The following DLG1 variants were observed in gnomAD, a reference collection of about 807,000 sequenced individuals.
DLG1 encodes disks large homolog 1.
A neutral mutation model predicts 123.4 loss-of-function variants in DLG1; 42 were observed. That is an observed-to-expected ratio of 0.34 (90% CI 0.27 to 0.44). The LOEUF (loss-of-function observed/expected upper bound fraction) is 0.44. Ranked by LOEUF, DLG1 falls within the 20% of genes least tolerant of loss-of-function variation. DLG1 has a pLI of 1.00. For missense variants in DLG1, 942 were observed against 1,082.6 expected (o/e 0.87, Z 1.82); for synonymous variants, 317 against 356.2 (o/e 0.89, Z 1.24).
At chr3:197,119,350 G>A (rs1775037204) in intron 12 of DLG1, 60 bp downstream of exon 12, 1 of 1,431,380 alleles carries the variant, frequency 7.0e-7, no homozygotes, top group Non-Finnish European at 9.4e-7. Context: ...TTACATGGCT[G>A]ATTAAAATTC....
intron 4 of DLG1, among the ~76,000 whole-genome samples, chr3:197,265,119 T>C (rs1364612085): frequency 1.3e-5 from 2 of 152,218 alleles, no homozygotes; most frequent in African/African-American, 4.8e-5. Flanking sequence ...GTAAGGTACA[T>C]TTCAAGCCTA....
chr3:197,172,485 T>C (rs1804737420), intron 5 of DLG1, among the ~76,000 whole-genome samples: 1 of 152,190 alleles, frequency 6.6e-6, no homozygotes, highest in African/African-American at 2.4e-5. Context: ...TTCTGTTCTG[T>C]TCACTCCTAT....
At chr3:197,227,907 G>GT (rs1740816589) in intron 4 of DLG1, among the ~76,000 whole-genome samples, 1 of 152,164 alleles carries the variant, frequency 6.6e-6, no homozygotes, top group African/African-American at 2.4e-5. Flanking sequence ...AATGTCAACT[G>GT]TAACTAGGGC....
chr3:197,132,658 C>T (rs1477556163), intron 10 of DLG1, among the ~76,000 whole-genome samples: 327 of 84,654 alleles, frequency 3.9e-3, no homozygotes, highest in Middle Eastern at 0.017. Context: ...ATAGCTGTGG[C>T]ATACTGCTGA....
At chr3:197,233,492 T>C (rs908103996) in intron 4 of DLG1, among the ~76,000 whole-genome samples, 1 of 152,220 alleles carries the variant, frequency 6.6e-6, no homozygotes, top group Non-Finnish European at 1.5e-5. Context: ...GTTCAAGCAA[T>C]TCTCCTGCCT....
At chr3:197,114,608 A>G (rs949660305) in intron 13 of DLG1, among the ~76,000 whole-genome samples, 3 of 152,250 alleles carry the variant, frequency 2.0e-5, no homozygotes, top group East Asian at 1.9e-4. Flanking sequence ...GTGCATTTAG[A>G]TATCTGAAGG....
chr3:197,055,690 G>GGTGT (rs143728045), intron 23 of DLG1, among the ~76,000 whole-genome samples: 1 of 151,874 alleles, frequency 6.6e-6, no homozygotes, highest in Non-Finnish European at 1.5e-5. Flanking sequence ...GGGGAAAAAA[G>GGTGT]GTGTGTGTGT....
At chr3:197,282,904 T>G in intron 3 of DLG1, 59 bp from the exon 4 acceptor site, 1 of 1,056,862 alleles carries the variant, frequency 9.5e-7, no homozygotes, top group Non-Finnish European at 1.4e-6. Flanking sequence ...AATTATGCAA[T>G]GCTATAACAA....
chr3:197,146,830 A>G (rs1839741), intron 6 of DLG1, among the ~76,000 whole-genome samples: 137,269 of 152,208 alleles, frequency 0.9, 61,989 homozygotes, highest in East Asian at 0.94. Context: ...CTTCTGCACA[A>G]CAAAATAATC....
chr3:197,127,254 C>T (rs896476985), intron 11 of DLG1, among the ~76,000 whole-genome samples: 1 of 150,414 alleles, frequency 6.6e-6, no homozygotes, highest in Non-Finnish European at 1.5e-5. Flanking sequence ...GAAACCCCGT[C>T]TCTACTAAAA....
chr3:197,097,070 C>A (rs1761005878), intron 14 of DLG1, among the ~76,000 whole-genome samples: 1 of 152,174 alleles, frequency 6.6e-6, no homozygotes, highest in Non-Finnish European at 1.5e-5. Context: ...TTTACTTACC[C>A]CCATTAATCT....
chr3:197,181,028 C>A (rs1390409611), intron 5 of DLG1, among the ~76,000 whole-genome samples: 3 of 152,168 alleles, frequency 2.0e-5, no homozygotes, highest in Admixed American at 2.0e-4. Flanking sequence ...TTAATGACTT[C>A]CTCCTGAGTT....
At chr3:197,113,835 T>C (rs951446479) in intron 13 of DLG1, among the ~76,000 whole-genome samples, 1 of 152,076 alleles carries the variant, frequency 6.6e-6, no homozygotes, top group Admixed American at 6.5e-5. Context: ...TCAGATTAGA[T>C]ATAGATAAGA....
chr3:197,147,746 A>T (rs560144027), intron 6 of DLG1, among the ~76,000 whole-genome samples: 1 of 152,142 alleles, frequency 6.6e-6, no homozygotes, highest in East Asian at 1.9e-4. Context: ...TGGGTGCACC[A>T]AAATCTCAGA....
At chr3:197,288,743 AATACATACATAC>A (rs57200229) in intron 3 of DLG1, among the ~76,000 whole-genome samples, 18,410 of 71,918 alleles carry the variant, frequency 0.26, 2,697 homozygotes, top group East Asian at 0.59. Flanking sequence ...AAAAAAAAAA[AATACATACATAC>A]ATACATACAT....
rs754581777 is a variant in DLG1 at position 197,059,889 on chromosome 3, A to C, written c.2483T>G (p.Met828Arg). The C allele has an allele frequency of 6.2e-7, 1 of 1,605,490 alleles. No homozygotes were observed. Among genetic ancestry groups the C allele is most frequent in the Non-Finnish European group, 8.5e-7 (1 of 1,172,476 alleles). The change falls in exon 23 of 25, where the codon ATG (methionine) becomes AGG (arginine). Residue 828 changes from methionine (M) to arginine (R), a missense_variant and splice_region_variant. Met to Arg is a moderately conservative substitution (Grantham distance 91). Transcript: ENST00000667157. Reference sequence around the variant, plus strand: ...CTATGCCTTAGGCATTTACACTTACATGATATTTTCCATGGATTTGGGTTT... The same window carrying C: ...CTATGCCTTAGGCATTTACACTTACCTGATATTTTCCATGGATTTGGGTTT... ...FIKPKSMENI[M>R]EMNKRLTEEQ...
intron 5 of DLG1, among the ~76,000 whole-genome samples, chr3:197,158,662 A>G (rs1401347175): frequency 9.6e-6 from 1 of 104,660 alleles, no homozygotes; most frequent in African/African-American, 3.5e-5. Context: ...AAAAAAGCCC[A>G]GAGGCAGTAT....
chr3:197,191,320 C>G (rs923628687), intron 5 of DLG1, among the ~76,000 whole-genome samples: 5 of 152,134 alleles, frequency 3.3e-5, no homozygotes, highest in Non-Finnish European at 1.5e-5. Context: ...TAAACAAAAT[C>G]TTGTGTCTGG....
chr3:197,064,262 C>T (rs9846371), intron 22 of DLG1, among the ~76,000 whole-genome samples: 45,413 of 150,186 alleles, frequency 0.3, 7,542 homozygotes, highest in African/African-American at 0.42. Context: ...GGCACGACCT[C>T]GGCTCACTGC....
Sources: allele counts gnomAD v4.1 joint callset (sites outside exome capture counted in the v4.1 genomes callset), GRCh38; gene constraint gnomAD v4.1.1; transcripts MANE v1.5; gene names NCBI Gene and HGNC (gene_info 2026-07-23, HGNC 2026-07-21).